The following RNFT2 variants were observed in gnomAD, a reference collection of about 807,000 sequenced individuals.
The protein encoded by RNFT2 is E3 ubiquitin-protein ligase RNFT2.
In RNFT2, 36 loss-of-function variants were observed where a neutral mutation model predicts 53.0. That is an observed-to-expected ratio of 0.68 (90% CI 0.52 to 0.90). RNFT2 has a LOEUF of 0.90. RNFT2 is among the 40% of genes least tolerant of loss of function. RNFT2 has a pLI of 0.00. For synonymous variants in RNFT2, 260 were observed against 253.2 expected, an observed-to-expected ratio of 1.03 and a Z score of -0.26; for missense variants, 514 against 585.6, an observed-to-expected ratio of 0.88 and a Z score of 1.26.
intron 4 of RNFT2, among the ~76,000 whole-genome samples, chr12:116,751,116 A>G (rs937130177): frequency 2.6e-5 from 4 of 151,100 alleles, no homozygotes; most frequent in East Asian, 2.0e-4. Flanking sequence ...AAGTCTCACT[A>G]TATTGCCCAG....
intron 7 of RNFT2, among the ~76,000 whole-genome samples, chr12:116,817,515 C>G (rs1875748431): frequency 6.6e-6 from 1 of 152,188 alleles, no homozygotes; most frequent in Non-Finnish European, 1.5e-5. Context: ...GCTGTATAAC[C>G]TTGTCCCTTC....
At chr12:116,795,772 A>C (rs1874475565) in intron 7 of RNFT2, among the ~76,000 whole-genome samples, 2 of 152,194 alleles carry the variant, frequency 1.3e-5, no homozygotes, top group African/African-American at 4.8e-5. Flanking sequence ...GTTCAGGGAG[A>C]CAGCACTGCA....
At position 116,851,298 on chromosome 12, in the gene RNFT2, T is replaced by C. The variant is rs139834463; in HGVS notation, c.*1850T>C. 3.9e-3 allele frequency: 615 copies of C among 157,448 alleles called. 2 individuals are homozygous for C. Among genetic ancestry groups the C allele is most frequent in the African/African-American group, 0.013 (540 of 41,552 alleles). The allele number at this position is 157,448 out of a possible 1,614,324, so 9.8% of individuals were successfully genotyped here. On this transcript the variant is annotated 3_prime_UTR_variant, in exon 11 of 11. Transcript: ENST00000257575. ...CCAGGCTAGATTCAAACTCCTGGGCTCAAGTGATCCTCCCTCCTCAGCCTC... is the reference window on the plus strand; with the variant it reads ...CCAGGCTAGATTCAAACTCCTGGGCCCAAGTGATCCTCCCTCCTCAGCCTC...
intron 5 of RNFT2, among the ~76,000 whole-genome samples, chr12:116,764,047 G>T (rs753564245): frequency 1.3e-5 from 2 of 152,144 alleles, no homozygotes; most frequent in Non-Finnish European, 2.9e-5. Flanking sequence ...AATGGAATTC[G>T]CAGCAACCTG....
In RNFT2 at chr12:116,850,148, CTTTT is replaced by C. The variant is rs71099006; in HGVS notation, c.*721_*724del. The C allele has an allele frequency of 0.66, 47,939 of 73,032 alleles. 15,429 individuals carry two copies. The highest frequency in any genetic ancestry group is 0.75 in the Non-Finnish European group (28,485 of 38,016). 4.5% of individuals were successfully genotyped at this position (73,032 alleles called of 1,614,324 possible). On this transcript the variant is annotated 3_prime_UTR_variant, in exon 11 of 11. Transcript: ENST00000257575. ...GCATGAGCCACCGTGCCCAGGCTCA[CTTTT>C]TTTTTTTTTTTTTTTTTTTTGAGAC...
rs201216733 is a variant in RNFT2 at position 116,774,223 on chromosome 12, T to G, written c.729-4972T>G. Among the ~76,000 whole-genome samples, 287 of 152,268 alleles carry G rather than the reference T, an allele frequency of 1.9e-3. 1 individual carries two copies. Among genetic ancestry groups the G allele is most frequent in the African/African-American group, 6.0e-3 (248 of 41,552 alleles). On this transcript the variant is annotated intron_variant, in intron 6 of 10. Transcript: ENST00000257575. ...AAAGAGGTCTGTGGTTGGATAGTGG[T>G]GATGATTATGCAACAATGTGAATGT...
At chr12:116,801,950 C>A (rs557051672) in intron 7 of RNFT2, among the ~76,000 whole-genome samples, 5 of 152,078 alleles carry the variant, frequency 3.3e-5, no homozygotes, top group African/African-American at 1.2e-4. Context: ...GCCTCCTGAG[C>A]AGCTGGGATT....
chr12:116,849,667 G>A lies in RNFT2; in HGVS notation c.*219G>A. 4 of 1,272,984 alleles carry A rather than the reference G, an allele frequency of 3.1e-6. No individual in the cohort carries two copies. The highest frequency in any genetic ancestry group is 4.0e-6 in the Non-Finnish European group (4 of 1,007,364). The allele number at this position is 1,272,984 out of a possible 1,614,324, so 78.9% of individuals were successfully genotyped here. Reference sequence around the variant, plus strand: ...GCGTGCCTCCTTCCCCTGCAAAAGGGGACGTCTTCCTAACTCAGACTTGAT... The same window carrying A: ...GCGTGCCTCCTTCCCCTGCAAAAGGAGACGTCTTCCTAACTCAGACTTGAT... On this transcript the variant is annotated 3_prime_UTR_variant, in exon 11 of 11. Transcript: ENST00000257575.
At chr12:116,755,290 T>C (rs1338941268) in intron 5 of RNFT2, 2 of 650,458 alleles carry the variant, frequency 3.1e-6, no homozygotes, top group African/African-American at 3.7e-5. Context: ...TAGCTGTAAG[T>C]ATTTTGGTTT....
At chr12:116,747,997 C>A (rs549084030) in intron 3 of RNFT2, among the ~76,000 whole-genome samples, 1 of 152,204 alleles carries the variant, frequency 6.6e-6, no homozygotes, top group South Asian at 2.1e-4. Context: ...TCAATACCAG[C>A]CTGGCCAACG....
intron 3 of RNFT2, among the ~76,000 whole-genome samples, chr12:116,748,181 C>T (rs965665026): frequency 1.3e-5 from 2 of 151,732 alleles, no homozygotes; most frequent in African/African-American, 4.8e-5. Flanking sequence ...CAGAGCAAGG[C>T]TCTGTCTCAA....
chr12:116,845,180 G>A (rs1316911352), intron 10 of RNFT2, among the ~76,000 whole-genome samples: 2 of 149,982 alleles, frequency 1.3e-5, no homozygotes, highest in Admixed American at 1.3e-4. Context: ...GGAGATCAAG[G>A]CTGCTGTGAG....
chr12:116,779,049 C>A, intron 6 of RNFT2, 146 bp from the exon 7 acceptor site: 2 of 816,666 alleles, frequency 2.4e-6, no homozygotes, highest in Non-Finnish European at 4.0e-6. Context: ...AGGTTAGTAG[C>A]AGATTCAGGA....
In RNFT2 at chr12:116,852,321, C is replaced by T. The variant is rs1406567443; in HGVS notation, c.*2873C>T. 2.6e-5 allele frequency: 33 copies of T among 1,254,780 alleles called. No homozygotes were observed. The highest frequency in any genetic ancestry group is 3.3e-5 in the Non-Finnish European group (33 of 994,048). 77.7% of individuals were successfully genotyped at this position (1,254,780 alleles called of 1,614,324 possible). A position where few individuals can be genotyped will look rare whatever the true frequency, so the allele number is the denominator to read the frequency against. ...CAGCCAGTATTAACATGTCCCCTTC[C>T]CCCTGCCCCGCCGTAGATTCAGGAC... On this transcript the variant is annotated 3_prime_UTR_variant, in exon 11 of 11. Coordinates refer to ENST00000257575, the MANE Select transcript of RNFT2 (RefSeq NM_001382266.1).
intron 10 of RNFT2, among the ~76,000 whole-genome samples, chr12:116,844,187 G>A (rs1252304636): frequency 1.3e-5 from 2 of 152,148 alleles, no homozygotes; most frequent in African/African-American, 4.8e-5. Flanking sequence ...TCACTCTGGT[G>A]GCTCATGAAT....
chr12:116,776,715 G>A (rs1040215825), intron 6 of RNFT2, among the ~76,000 whole-genome samples: 17 of 152,172 alleles, frequency 1.1e-4, no homozygotes, highest in Admixed American at 2.0e-4. Flanking sequence ...ATTCTATGCT[G>A]AGTGTACTTC....
At chr12:116,809,046 G>A (rs1409100774) in intron 7 of RNFT2, among the ~76,000 whole-genome samples, 2 of 152,218 alleles carry the variant, frequency 1.3e-5, no homozygotes, top group African/African-American at 2.4e-5. Context: ...CACAGGGCCG[G>A]AGCCATGGCT....
At position 116,849,370 on chromosome 12, in the gene RNFT2, G is replaced by A. The variant is rs755975744; in HGVS notation, c.1257G>A (p.Pro419=). The A allele has an allele frequency of 2.0e-5, 31 of 1,551,464 alleles. No individual in the cohort carries two copies. The highest frequency in any genetic ancestry group is 2.4e-5 in the East Asian group (1 of 41,372). Residue 419 remains proline (P), a synonymous_variant, in exon 11 of 11, where the codon CCG becomes CCA. Transcript: ENST00000257575. ...GGCTGGACCGTGAGCGCACCTGCCC[G>A]CTCTGCCGCTCGGTCGCCGTGGACA... ...CLWLDRERTC[P]LCRSVAVDTL...
chr12:116,836,876 G>A (rs1877001604), intron 10 of RNFT2, among the ~76,000 whole-genome samples: 1 of 152,006 alleles, frequency 6.6e-6, no homozygotes, highest in African/African-American at 2.4e-5. Flanking sequence ...GTTGCAGTGA[G>A]CCGAGGTCAT....
Sources: allele counts gnomAD v4.1 joint callset (sites outside exome capture counted in the v4.1 genomes callset), GRCh38; gene constraint gnomAD v4.1.1; transcripts MANE v1.5; gene names NCBI Gene and HGNC (gene_info 2026-07-23, HGNC 2026-07-21).